The following ITGAE variants were observed in gnomAD, a reference collection of about 807,000 sequenced individuals.
ITGAE encodes the protein integrin subunit alpha E, also known as integrin alpha-E.
A neutral mutation model predicts 136.5 loss-of-function variants in ITGAE; 99 were observed. The ratio of observed to expected loss-of-function variants is 0.73; its 90% CI spans 0.62 to 0.86. ITGAE has a LOEUF of 0.86. ITGAE is among the 40% of genes least tolerant of loss of function. The pLI, the probability that ITGAE is intolerant of heterozygous loss-of-function variation, is 0.00. For missense variants in ITGAE, 1,447 were observed against 1,515.3 expected (o/e 0.95, Z 0.75); for synonymous variants, 613 against 591.8 (o/e 1.04, Z -0.52).
rs2053209304 is a variant in ITGAE, at chr17:3,799,934, T to C, written c.34+1177A>G. The stretch of plus-strand genomic sequence containing the variant: ...GAGGGCAGGAGACCAGCCTGACCAA[T>C]ATGGTGAGACCCTGTCTCTACTAAA... On this transcript the variant is annotated intron_variant, in intron 1 of 30. Transcript: ENST00000263087. The surrounding 1 kb of genome is among the most constrained non-coding windows in gnomAD (Gnocchi z 4.1). Among the ~76,000 whole-genome samples, 1 of 151,998 alleles carries C rather than the reference T, an allele frequency of 6.6e-6. No individual in the cohort carries two copies. The highest frequency in any genetic ancestry group is 2.4e-5 in the African/African-American group (1 of 41,398).
chr17:3,764,369 C>T (rs1179061762), intron 2 of ITGAE, among the ~76,000 whole-genome samples: 2 of 152,166 alleles, frequency 1.3e-5, no homozygotes, highest in African/African-American at 4.8e-5. Flanking sequence ...GAGAAGAGTA[C>T]GCTGGTGCCC....
At chr17:3,785,525 A>T (rs989516445) in intron 1 of ITGAE, among the ~76,000 whole-genome samples, 2 of 149,790 alleles carry the variant, frequency 1.3e-5, no homozygotes, top group Non-Finnish European at 3.0e-5. Flanking sequence ...GAAGGAAGGA[A>T]GGAAGGAAGG....
At position 3,743,622 on chromosome 17, in the gene ITGAE, G is replaced by A. The variant is rs954034568; in HGVS notation, c.2320-5C>T. The A allele has an allele frequency of 3.7e-6, 6 of 1,611,216 alleles. No individual in the cohort carries two copies. Among genetic ancestry groups the A allele is most frequent in the Non-Finnish European group, 5.1e-6 (6 of 1,178,970 alleles). ...GAAGCAGTCCTCCTCACAGAGCTGT[G>A]GGGTCACCACGGAAGGCAGGGTTAG... On this transcript the variant is annotated splice_region_variant and splice_polypyrimidine_tract_variant and intron_variant, in intron 18 of 30. Transcript: ENST00000263087.
intron 2 of ITGAE, among the ~76,000 whole-genome samples, chr17:3,773,122 T>C (rs1047771608): frequency 6.6e-6 from 1 of 152,212 alleles, no homozygotes; most frequent in Admixed American, 6.6e-5. Context: ...TCTGGGACCC[T>C]TTCCTTGGGC....
chr17:3,787,277 A>G (rs562567505), intron 1 of ITGAE, among the ~76,000 whole-genome samples: 1 of 151,468 alleles, frequency 6.6e-6, no homozygotes, highest in Non-Finnish European at 1.5e-5. Flanking sequence ...ACACCCGCCT[A>G]AGTTTTGTAT....
intron 6 of ITGAE, 135 bp from the exon 7 acceptor site, chr17:3,760,422 G>C (rs1456043723): frequency 4.4e-6 from 1 of 225,604 alleles, no homozygotes; most frequent in Non-Finnish European, 8.6e-6. Flanking sequence ...AAGCTCCCAA[G>C]AGGGAAGCTT....
chr17:3,796,001 CCG>C (rs1567565315), intron 1 of ITGAE, among the ~76,000 whole-genome samples: 10 of 79,384 alleles, frequency 1.3e-4, no homozygotes, highest in East Asian at 1.0e-3. Flanking sequence ...GTGTGTGCAT[CCG>C]TGTGTGCATC....
intron 1 of ITGAE, among the ~76,000 whole-genome samples, chr17:3,795,827 CTGTGTGTGCATGTGTGCATCTG>C (rs1310237621): frequency 0.017 from 2,362 of 139,378 alleles, 25 homozygotes; most frequent in Non-Finnish European, 0.025. Context: ...GTGTGCATCC[CTGTGTGTGCATGTGTGCATCTG>C]TGTGTGTGCA....
Position 3,725,465 on chromosome 17 carries a change from A to G in ITGAE, c.3085-1721T>C, listed in dbSNP as rs146480185. On this transcript the variant is annotated intron_variant, in intron 26 of 30. Transcript: ENST00000263087. ...TTGCTGATCACACACCCGTAGCCAT[A>G]AAAATCATTGCTATTGAAGGACCAG... 9.9e-6 allele frequency: 16 copies of G among 1,614,132 alleles called. No homozygotes were observed. Among genetic ancestry groups the G allele is most frequent in the African/African-American group, 2.7e-5 (2 of 74,942 alleles).
chr17:3,737,702 C>T (rs2051490402), intron 20 of ITGAE, among the ~76,000 whole-genome samples: 1 of 152,108 alleles, frequency 6.6e-6, no homozygotes, highest in African/African-American at 2.4e-5. Flanking sequence ...CCCGGAATGC[C>T]AAAATTTATG....
At chr17:3,720,451 G>T in intron 28 of ITGAE, 49 bp from the exon 29 acceptor site, 1 of 863,844 alleles carries the variant, frequency 1.2e-6, no homozygotes, top group South Asian at 1.4e-5. Flanking sequence ...TTTTAGACAT[G>T]AACTCACTGT....
chr17:3,765,342 C>A, intron 2 of ITGAE, among the ~76,000 whole-genome samples: 1 of 72,698 alleles, frequency 1.4e-5, no homozygotes, highest in African/African-American at 6.6e-5. Flanking sequence ...GAGCGAGACT[C>A]TGTCTCAAAA....
rs369073554 is a variant in ITGAE, at chr17:3,729,461, C to G, written c.2912+17G>C. 2 of 1,558,338 alleles carry G rather than the reference C, an allele frequency of 1.3e-6. No homozygotes were observed. Among genetic ancestry groups the G allele is most frequent in the African/African-American group, 2.7e-5 (2 of 73,936 alleles). ...GCGATGGAGTCACACCGCTGCTGGC[C>G]TCTTGGGAGTACTCACTTGGACAGA... On this transcript the variant is annotated intron_variant, in intron 24 of 30. Transcript: ENST00000263087.
chr17:3,799,645 G>A lies in ITGAE; in HGVS notation c.34+1466C>T, dbSNP rs1199204306. Among the ~76,000 whole-genome samples the A allele has an allele frequency of 3.9e-5, 6 of 152,060 alleles. No individual in the cohort carries two copies. Among genetic ancestry groups the A allele is most frequent in the Admixed American group, 3.3e-4 (5 of 15,278 alleles). On this transcript the variant is annotated intron_variant, in intron 1 of 30. Transcript: ENST00000263087. This position sits in a 1 kb window ranked among gnomAD's most constrained non-coding sequence, Gnocchi z 4.1. Reference sequence around the variant, plus strand: ...CTGTACTGGGAGAGGGTAGACAAGAGTCTAGTCTAAGCATCTGCTCCAGAT... The same window carrying A: ...CTGTACTGGGAGAGGGTAGACAAGAATCTAGTCTAAGCATCTGCTCCAGAT...
At position 3,743,539 on chromosome 17, in the gene ITGAE, G is replaced by T. The variant is rs1253172610; in HGVS notation, c.2398C>A (p.His800Asn). The T allele has an allele frequency of 1.9e-6, 3 of 1,611,772 alleles. No homozygotes were observed. In the African/African-American group the frequency reaches 4.0e-5, roughly 22 times the overall value. The change falls in exon 19 of 31, where the codon CAT becomes AAT. Residue 800 changes from histidine to asparagine, a missense_variant. This residue lies in a region of ITGAE where 1,031 missense variants were observed against 1,011.4 expected (regional missense o/e 1.02). Transcript: ENST00000263087. ...QLQTPEGQTD[H>N]PQPILDRYTE... The stretch of plus-strand genomic sequence containing the variant: ...TAGCGGTCCAGGATGGGCTGGGGAT[G>T]GTCCGTCTGTCCCTCAGGGGTCTGG...
At chr17:3,762,819 C>T (rs2052208145) in intron 3 of ITGAE, among the ~76,000 whole-genome samples, 1 of 151,756 alleles carries the variant, frequency 6.6e-6, no homozygotes, top group Non-Finnish European at 1.5e-5. Flanking sequence ...CTAGGATGGT[C>T]TCGATCTCCT....
chr17:3,751,570 G>A, intron 15 of ITGAE, 80 bp downstream of exon 15: 1 of 1,354,476 alleles, frequency 7.4e-7, no homozygotes, highest in Non-Finnish European at 1.0e-6. Context: ...TAGGACTGAA[G>A]CCGACTTGGG....
At chr17:3,718,581 C>T (rs534210374) in intron 29 of ITGAE, among the ~76,000 whole-genome samples, 2 of 152,304 alleles carry the variant, frequency 1.3e-5, no homozygotes, top group African/African-American at 4.8e-5. Flanking sequence ...CATAGAGTCA[C>T]TGTAAGTCAG....
At chr17:3,783,493 A>G (rs987627692) in intron 1 of ITGAE, among the ~76,000 whole-genome samples, 4 of 152,222 alleles carry the variant, frequency 2.6e-5, no homozygotes, top group Admixed American at 2.0e-4. Context: ...ATAAACCTTC[A>G]TGACAATACA....
Sources: gnomAD v4.1 joint callset for allele counts (sites outside exome capture counted in the v4.1 genomes callset) on GRCh38, gnomAD v4.1.1 for gene constraint, gnomAD v4.1.1 regional missense constraint, Gnocchi (gnomAD v3.1) non-coding constraint, MANE v1.5 for transcripts, NCBI Gene and HGNC (gene_info 2026-07-23, HGNC 2026-07-21) for gene names.